The following ENPP1 variants were observed in gnomAD, a reference collection of about 807,000 sequenced individuals.
The protein encoded by ENPP1 is ectonucleotide pyrophosphatase/phosphodiesterase family member 1.
In ENPP1, 73 loss-of-function variants were observed where a neutral mutation model predicts 122.8. The observed-to-expected ratio is 0.59, with a 90% CI of 0.49 to 0.72. The LOEUF (loss-of-function observed/expected upper bound fraction) is 0.72. Ranked by LOEUF, ENPP1 falls within the 30% of genes least tolerant of loss-of-function variation. The pLI is 0.00. For missense variants in ENPP1, 978 were observed against 1,128.1 expected (o/e 0.87, Z 1.91); for synonymous variants, 367 against 391.6 (o/e 0.94, Z 0.74).
At chr6:131,816,840 C>A (rs76959892) in intron 1 of ENPP1, among the ~76,000 whole-genome samples, 2,349 of 152,250 alleles carry the variant, frequency 0.015, 65 homozygotes, top group African/African-American at 0.054. Flanking sequence ...CAATACTCAA[C>A]AACTGTGAAA....
At chr6:131,841,858 C>A (rs1031312164) in intron 1 of ENPP1, among the ~76,000 whole-genome samples, 1 of 152,168 alleles carries the variant, frequency 6.6e-6, no homozygotes, top group Admixed American at 6.5e-5. Context: ...TCCAAGACCT[C>A]ATTTCCCACC....
chr6:131,822,126 C>T (rs1046201192), intron 1 of ENPP1, among the ~76,000 whole-genome samples: 3 of 152,180 alleles, frequency 2.0e-5, no homozygotes, highest in East Asian at 1.9e-4. Flanking sequence ...TACTTGGACA[C>T]GATTTATTTG....
At chr6:131,869,237 TA>T in intron 12 of ENPP1, 120 bp from the exon 13 acceptor site, 1 of 889,030 alleles carries the variant, frequency 1.1e-6, no homozygotes, top group Non-Finnish European at 1.8e-6. Context: ...GATCTTCAAC[TA>T]ATATGAGTGC....
Position 131,874,353 on chromosome 6 carries a change from A to T in ENPP1, c.1635+16A>T. The T allele has an allele frequency of 1.4e-6, 2 of 1,417,784 alleles. No individual in the cohort carries two copies. Among genetic ancestry groups the T allele is most frequent in the Non-Finnish European group, 2.0e-6 (2 of 1,004,290 alleles). 87.8% of individuals were successfully genotyped at this position (1,417,784 alleles called of 1,614,324 possible). On this transcript the variant is annotated intron_variant, in intron 16 of 24. Transcript: ENST00000647893. ...AAATATGCAAGTGAGTAAACCTATT[A>T]TACTTAATTGGATTAAATCTAAAGA... is the stretch of plus-strand genomic sequence containing the variant.
intron 1 of ENPP1, among the ~76,000 whole-genome samples, chr6:131,815,912 G>C (rs1781408037): frequency 6.7e-6 from 1 of 149,132 alleles, no homozygotes; most frequent in African/African-American, 2.5e-5. Context: ...GTAGAGACAG[G>C]GTTTTGCCAT....
chr6:131,813,197 T>C (rs529625977), intron 1 of ENPP1, among the ~76,000 whole-genome samples: 1 of 152,056 alleles, frequency 6.6e-6, no homozygotes, highest in African/African-American at 2.4e-5. Flanking sequence ...GTCTAAAACT[T>C]GGAATCAACA....
At chr6:131,828,144 C>T (rs1008192411) in intron 1 of ENPP1, 5 of 577,230 alleles carry the variant, frequency 8.7e-6, no homozygotes, top group East Asian at 4.5e-5. Flanking sequence ...TTCTGGATTC[C>T]GAGTGGGATC....
intron 1 of ENPP1, chr6:131,826,743 G>T (rs56221980): frequency 0.031 from 15,510 of 496,660 alleles, 884 homozygotes; most frequent in East Asian, 0.24. Context: ...TGGGATCTGG[G>T]AGAGGCTACT....
At chr6:131,817,360 C>T (rs1585789685) in intron 1 of ENPP1, among the ~76,000 whole-genome samples, 1 of 152,080 alleles carries the variant, frequency 6.6e-6, no homozygotes, top group African/African-American at 2.4e-5. Context: ...CTAAAGCTTG[C>T]CTCTATATTG....
intron 1 of ENPP1, among the ~76,000 whole-genome samples, chr6:131,812,315 G>T (rs1781364896): frequency 6.6e-6 from 1 of 152,022 alleles, no homozygotes; most frequent in Non-Finnish European, 1.5e-5. Context: ...TTCTTGTCCT[G>T]GTCTAAAGAA....
rs1771219840 is a variant in ENPP1 at position 131,808,030 on chromosome 6, G to A, written c.-6G>A. The A allele has an allele frequency of 9.6e-6, 9 of 937,284 alleles. No homozygotes were observed. Among genetic ancestry groups the A allele is most frequent in the Non-Finnish European group, 1.1e-5 (9 of 795,428 alleles). The allele number at this position is 937,284 out of a possible 1,614,324, so 58.1% of individuals were successfully genotyped here. ...GGGCAGCGGGGCCGGAGCGGCCGGGGCCACGATGGAGCGCGACGGCTGCGC... is the reference window on the plus strand; with the variant it reads ...GGGCAGCGGGGCCGGAGCGGCCGGGACCACGATGGAGCGCGACGGCTGCGC... On this transcript the variant is annotated 5_prime_UTR_variant, in exon 1 of 25. Coordinates refer to ENST00000647893, the MANE Select transcript of ENPP1 (RefSeq NM_006208.3).
At position 131,874,321 on chromosome 6, in the gene ENPP1, T is replaced by A. The variant is rs1489211566; in HGVS notation, c.1619T>A (p.Val540Glu). Residue 540 changes from valine (V) to glutamate (E), a missense_variant, in exon 16 of 25, where the codon GTA becomes GAA. By Grantham distance (121) the Val-to-Glu change is moderately radical. Coordinates refer to ENST00000647893, the MANE Select transcript of ENPP1 (RefSeq NM_006208.3). Reference protein sequence around the residue: ...CGSGFHGSDNVFSNMQALFVG... With the variant: ...CGSGFHGSDNEFSNMQALFVG... ...AGTGGATTTCATGGCTCTGACAATG[T>A]ATTTTCAAATATGCAAGTGAGTAAA... 1 of 1,582,988 alleles carries A rather than the reference T, an allele frequency of 6.3e-7. No individual in the cohort carries two copies. Among genetic ancestry groups the A allele is most frequent in the East Asian group, 2.2e-5 (1 of 44,568 alleles).
At chr6:131,808,303 C>T (rs898238247) in intron 1 of ENPP1, 28 bp downstream of exon 1, 3 of 1,485,118 alleles carry the variant, frequency 2.0e-6, no homozygotes, top group African/African-American at 2.9e-5. Context: ...CCCCGGCGCC[C>T]GGGAGGGCTG....
chr6:131,879,103 C>G (rs1431849579), intron 19 of ENPP1, among the ~76,000 whole-genome samples: 1 of 152,164 alleles, frequency 6.6e-6, no homozygotes, highest in Non-Finnish European at 1.5e-5. Flanking sequence ...CCTTAAGTTA[C>G]TTGGCACACA....
chr6:131,864,437 GA>G (rs1033331814), intron 9 of ENPP1, 68 bp from the exon 10 acceptor site: 2 of 1,039,100 alleles, frequency 1.9e-6, no homozygotes, highest in Non-Finnish European at 3.0e-6. Flanking sequence ...CATTTTCAAT[GA>G]AAAAAACTAT....
Position 131,890,611 on chromosome 6 carries a change from C to A in ENPP1, c.*100C>A. On this transcript the variant is annotated 3_prime_UTR_variant, in exon 25 of 25. Transcript: ENST00000647893. Reference sequence around the variant, plus strand: ...ATTGCATTGTTCAGAAACTGTCGACCAGAGTTAGAACGGAGCCCTCGGTGA... The same window carrying A: ...ATTGCATTGTTCAGAAACTGTCGACAAGAGTTAGAACGGAGCCCTCGGTGA... 8.9e-7 allele frequency: 1 copy of A among 1,121,286 alleles called. No individual in the cohort carries two copies. Among genetic ancestry groups the A allele is most frequent in the South Asian group, 1.3e-5 (1 of 79,452 alleles). 69.5% of individuals were successfully genotyped at this position (1,121,286 alleles called of 1,614,324 possible).
intron 1 of ENPP1, among the ~76,000 whole-genome samples, chr6:131,832,687 T>C (rs990256886): frequency 5.3e-5 from 8 of 152,186 alleles, no homozygotes; most frequent in Non-Finnish European, 1.2e-4. Flanking sequence ...TGCAGTTAGA[T>C]GGTGACTTAG....
chr6:131,811,430 C>CTGTATCTG, intron 1 of ENPP1, among the ~76,000 whole-genome samples: 1 of 141,238 alleles, frequency 7.1e-6, no homozygotes, highest in African/African-American at 2.8e-5. Context: ...ATATCTATAT[C>CTGTATCTG]TATATATATG....
At chr6:131,836,874 A>G (rs544598431) in intron 1 of ENPP1, among the ~76,000 whole-genome samples, 3 of 152,278 alleles carry the variant, frequency 2.0e-5, no homozygotes, top group African/African-American at 4.8e-5. Flanking sequence ...GTTTTTATCC[A>G]TAGAAGCAGG....
Sources: allele counts gnomAD v4.1 joint callset (sites outside exome capture counted in the v4.1 genomes callset), GRCh38; gene constraint gnomAD v4.1.1; transcripts MANE v1.5; gene names NCBI Gene and HGNC (gene_info 2026-07-23, HGNC 2026-07-21).